ROBO1: variants seen among roughly 807,000 people sequenced by gnomAD.
The protein encoded by ROBO1 is roundabout guidance receptor 1.
Under a neutral mutation model 195.9 loss-of-function variants are expected in ROBO1, and 149 were observed. The ratio of observed to expected loss-of-function variants is 0.76; its 90% CI spans 0.67 to 0.87. The LOEUF (loss-of-function observed/expected upper bound fraction) is 0.87, where lower values mean the gene tolerates loss of function less well. Among genes scored for constraint, ROBO1 ranks in the 40% least tolerant of loss-of-function variants. ROBO1 has a pLI of 0.00. For synonymous variants in ROBO1, 816 were observed against 733.2 expected (o/e 1.11, Z -1.82); for missense variants, 1,933 against 2,068.3 (o/e 0.93, Z 1.27).
At chr3:79,306,455 C>T (rs1437661577) in intron 2 of ROBO1, among the ~76,000 whole-genome samples, 1 of 152,278 alleles carries the variant, frequency 6.6e-6, no homozygotes, top group Admixed American at 6.5e-5. Context: ...AAATTGGGCG[C>T]TCTCTCTATC....
In ROBO1 at chr3:79,393,322, C is replaced by T. The variant is rs141836958; in HGVS notation, c.88+196502G>A. 1.2e-3 allele frequency among the ~76,000 whole-genome samples: 186 copies of T among 152,304 alleles called. No individual in the cohort carries two copies. The Middle Eastern group carries it at 0.014, about 11-fold the overall frequency. Reference sequence around the variant, plus strand: ...TGAAGAGGATATCATTCTTCAATAACTCAAAGGAGTATTCGGTAATTTGAG... The same window carrying T: ...TGAAGAGGATATCATTCTTCAATAATTCAAAGGAGTATTCGGTAATTTGAG... On this transcript the variant is annotated intron_variant, in intron 2 of 30. Transcript: ENST00000464233.
At chr3:79,364,151 C>T (rs980080340) in intron 2 of ROBO1, among the ~76,000 whole-genome samples, 4 of 151,738 alleles carry the variant, frequency 2.6e-5, no homozygotes, top group Admixed American at 2.0e-4. Flanking sequence ...TTGCAGTGAG[C>T]TGAGATCACA....
chr3:79,370,221 G>A (rs1470042644), intron 2 of ROBO1, among the ~76,000 whole-genome samples: 1 of 151,610 alleles, frequency 6.6e-6, no homozygotes. Context: ...AAAGCCAGGA[G>A]TGGGCATGTG....
At chr3:79,099,439 CA>C (rs2079633798) in intron 3 of ROBO1, among the ~76,000 whole-genome samples, 1 of 151,664 alleles carries the variant, frequency 6.6e-6, no homozygotes, top group South Asian at 2.1e-4. Flanking sequence ...CCTTTTGGAG[CA>C]AGTCAGGTCA....
intron 3 of ROBO1, among the ~76,000 whole-genome samples, chr3:79,120,472 G>T (rs548927629): frequency 6.6e-6 from 1 of 152,098 alleles, no homozygotes; most frequent in Non-Finnish European, 1.5e-5. Flanking sequence ...TTTTGATTTT[G>T]ATATTCTCCA....
intron 2 of ROBO1, among the ~76,000 whole-genome samples, chr3:79,543,777 A>C (rs1252063186): frequency 6.6e-6 from 1 of 152,090 alleles, no homozygotes; most frequent in African/African-American, 2.4e-5. Flanking sequence ...AGCTCTTACT[A>C]TATTCATTGG....
chr3:78,748,681 T>A (rs1388473383), intron 4 of ROBO1, among the ~76,000 whole-genome samples: 1 of 152,016 alleles, frequency 6.6e-6, no homozygotes, highest in Non-Finnish European at 1.5e-5. Flanking sequence ...ATTTTTTCCT[T>A]CCTCAATTCC....
At chr3:79,155,736 C>G (rs1264070815) in intron 2 of ROBO1, among the ~76,000 whole-genome samples, 3 of 151,750 alleles carry the variant, frequency 2.0e-5, no homozygotes, top group Admixed American at 2.0e-4. Flanking sequence ...AATTAGAAAC[C>G]TGTCCAGTTT....
At chr3:79,307,555 T>C (rs1331722723) in intron 2 of ROBO1, among the ~76,000 whole-genome samples, 1 of 152,084 alleles carries the variant, frequency 6.6e-6, no homozygotes, top group African/African-American at 2.4e-5. Context: ...ATAAATAAGC[T>C]TGTTACAATT....
intron 2 of ROBO1, among the ~76,000 whole-genome samples, chr3:79,154,474 C>T (rs2080825009): frequency 2.0e-5 from 3 of 151,722 alleles, no homozygotes; most frequent in Admixed American, 2.0e-4. Flanking sequence ...GAGATGAGCT[C>T]AGTCAACATA....
At chr3:79,110,632 T>C (rs1416033414) in intron 3 of ROBO1, among the ~76,000 whole-genome samples, 2 of 150,518 alleles carry the variant, frequency 1.3e-5, no homozygotes, top group East Asian at 3.9e-4. Context: ...TTTTTTTTTT[T>C]TTTTTTTTGG....
At chr3:78,793,489 G>T (rs1462349191) in intron 4 of ROBO1, among the ~76,000 whole-genome samples, 1 of 152,208 alleles carries the variant, frequency 6.6e-6, no homozygotes, top group Non-Finnish European at 1.5e-5. Context: ...CCTAAGTGAT[G>T]ACAAGTAGGA....
chr3:79,232,283 T>C (rs2082334333), intron 2 of ROBO1, among the ~76,000 whole-genome samples: 1 of 150,174 alleles, frequency 6.7e-6, no homozygotes, highest in African/African-American at 2.4e-5. Flanking sequence ...AAAATCTCTC[T>C]GCACATCTAA....
rs759947257 is a variant in ROBO1, at chr3:78,633,953, G to C, written c.3463C>G (p.Arg1155Gly). 4 of 1,610,224 alleles carry C rather than the reference G, an allele frequency of 2.5e-6. No individual in the cohort carries two copies. In the East Asian group the frequency reaches 6.7e-5, roughly 27 times the overall value. Residue 1155 changes from arginine (R) to glycine (G), a missense_variant, in exon 24 of 31, where the codon CGG becomes GGG. Physicochemically the swap from Arg to Gly is moderately radical, Grantham distance 125. Transcript: ENST00000464233. Reference protein sequence around the residue: ...NTGGSYNSSDRGSSTSGSQGH... With the variant: ...NTGGSYNSSDGGSSTSGSQGH... Reference sequence around the variant, plus strand: ...TACTTACCAGATGTACTACTGCCCCGGTCTGAGCTGTTGTAGGATCCTCCT... The same window carrying C: ...TACTTACCAGATGTACTACTGCCCCCGTCTGAGCTGTTGTAGGATCCTCCT...
chr3:79,191,213 T>G (rs1193397315), intron 2 of ROBO1, among the ~76,000 whole-genome samples: 1 of 151,588 alleles, frequency 6.6e-6, no homozygotes, highest in Non-Finnish European at 1.5e-5. Context: ...TAACTCATTT[T>G]TTCTAAAGTT....
chr3:79,598,632 G>T (rs1944251549), intron 1 of ROBO1, among the ~76,000 whole-genome samples: 1 of 151,906 alleles, frequency 6.6e-6, no homozygotes, highest in African/African-American at 2.4e-5. Flanking sequence ...TCTGAGCCCA[G>T]ACCTGCCTAA....
intron 2 of ROBO1, among the ~76,000 whole-genome samples, chr3:79,358,959 C>A (rs1348866902): frequency 2.6e-5 from 4 of 151,936 alleles, no homozygotes; most frequent in Non-Finnish European, 2.9e-5. Context: ...TGGTTTAACA[C>A]CAACTGAGGG....
intron 5 of ROBO1, among the ~76,000 whole-genome samples, chr3:78,741,640 G>T (rs1312808586): frequency 2.0e-5 from 3 of 151,750 alleles, no homozygotes; most frequent in Non-Finnish European, 2.9e-5. Context: ...TTTAAAAATC[G>T]CTCTTTGTGA....
intron 1 of ROBO1, among the ~76,000 whole-genome samples, chr3:79,756,791 T>C (rs1215452230): frequency 6.6e-6 from 1 of 152,156 alleles, no homozygotes; most frequent in Non-Finnish European, 1.5e-5. Flanking sequence ...AACTCTGTAT[T>C]CATTAAACAA....
Sources: gnomAD v4.1 joint callset for allele counts (sites outside exome capture counted in the v4.1 genomes callset) on GRCh38, gnomAD v4.1.1 for gene constraint, MANE v1.5 for transcripts, NCBI Gene and HGNC (gene_info 2026-07-23, HGNC 2026-07-21) for gene names.